The following NDUFAF4 variants were observed in gnomAD, a reference collection of about 807,000 sequenced individuals.
NDUFAF4 encodes NADH dehydrogenase [ubiquinone] 1 alpha subcomplex assembly factor 4.
NDUFAF4 carries 10 observed loss-of-function variants against 15.6 expected under a neutral mutation model. The observed-to-expected ratio is 0.64, with a 90% CI of 0.40 to 1.09. The LOEUF is 1.09. NDUFAF4 is among the 50% of genes least tolerant of loss of function. The probability of loss-of-function intolerance (pLI) is 0.01; values close to 1 mark genes in which losing one functional copy is unlikely to be tolerated. For synonymous variants in NDUFAF4, 77 were observed against 73.3 expected, an observed-to-expected ratio of 1.05 and a Z score of -0.26; for missense variants, 203 against 207.3, an observed-to-expected ratio of 0.98 and a Z score of 0.13.
chr6:96,897,855 A>C lies in NDUFAF4; in HGVS notation c.-54T>G. 2 of 1,612,370 alleles carry C rather than the reference A, an allele frequency of 1.2e-6. No homozygotes were observed. Among genetic ancestry groups the C allele is most frequent in the Non-Finnish European group, 1.7e-6 (2 of 1,179,152 alleles). ...AGGCCGCACGTGGGAACACCGGCGC[A>C]GGACAACTCCGGGACACCCGGAGCA... On this transcript the variant is annotated 5_prime_UTR_variant, in exon 1 of 3. Coordinates refer to ENST00000316149, the MANE Select transcript of NDUFAF4 (RefSeq NM_014165.4).
Position 96,897,836 on chromosome 6 carries a change from C to CA in NDUFAF4, c.-36dup, listed in dbSNP as rs1338863509. On this transcript the variant is annotated 5_prime_UTR_variant, in exon 1 of 3. It removes the in-frame stop codon of an upstream open reading frame in the 5' UTR. Transcript: ENST00000316149. ...ACATTATGCGCTCAGGTTCAGGCCG[C>CA]ACGTGGGAACACCGGCGCAGGACAA... 3.1e-6 allele frequency: 5 copies of CA among 1,613,262 alleles called. No homozygotes were observed. Among genetic ancestry groups the CA allele is most frequent in the Non-Finnish European group, 4.2e-6 (5 of 1,179,646 alleles).
In NDUFAF4 at chr6:96,897,719, G is replaced by C. The variant is rs1775406837; in HGVS notation, c.83C>G (p.Ser28Cys). 2.5e-6 allele frequency: 4 copies of C among 1,614,088 alleles called. No individual in the cohort carries two copies. The highest frequency in any genetic ancestry group is 1.6e-4 in the Middle Eastern group (1 of 6,084). Residue 28 changes from serine (S) to cysteine (C), a missense_variant, in exon 1 of 3, where the codon TCT becomes TGT. Ser to Cys is a moderately radical substitution (Grantham distance 112, BLOSUM62 -1). Coordinates refer to ENST00000316149, the MANE Select transcript of NDUFAF4 (RefSeq NM_014165.4). ...GGTAGAGGGGTGTCTGGGAGCGACA[G>C]AGGGCTTCATCTTGCTGATTTCCCG... ...AEREISKMKP[S>C]VAPRHPSTNS... is the part of the protein sequence containing the mutation.
In NDUFAF4 at chr6:96,896,809, C is replaced by G; in HGVS notation, c.175G>C (p.Glu59Gln). The G allele has an allele frequency of 6.2e-7, 1 of 1,613,936 alleles. No homozygotes were observed. The highest frequency in any genetic ancestry group is 8.5e-7 in the Non-Finnish European group (1 of 1,179,962). ...TCTTTTAGAAACGACAGCAGCTTTT[C>G]ATCTTTACGAGCAATCTCTCCTTTA... ...EVKGEIARKDEKLLSFLKDVY... is the reference protein window; with the variant it reads ...EVKGEIARKDQKLLSFLKDVY... Residue 59 changes from glutamate (E) to glutamine (Q), a missense_variant, in exon 2 of 3, where the codon GAA (glutamate) becomes CAA (glutamine). Glu to Gln is a conservative substitution (Grantham distance 29). Coordinates refer to ENST00000316149, the MANE Select transcript of NDUFAF4 (RefSeq NM_014165.4).
chr6:96,892,716 G>T (rs1247863668), intron 2 of NDUFAF4, among the ~76,000 whole-genome samples: 12 of 151,900 alleles, frequency 7.9e-5, no homozygotes, highest in Non-Finnish European at 1.5e-4. Context: ...TTTTCCATCG[G>T]TTTTTTCAGT....
chr6:96,897,871 A>T lies in NDUFAF4; in HGVS notation c.-70T>A. ...CACCGGCGCAGGACAACTCCGGGAC[A>T]CCCGGAGCATGCGCACAAGTGAGGG... On this transcript the variant is annotated 5_prime_UTR_variant, in exon 1 of 3. Coordinates refer to ENST00000316149, the MANE Select transcript of NDUFAF4 (RefSeq NM_014165.4). 3 of 1,606,482 alleles carry T rather than the reference A, an allele frequency of 1.9e-6. No individual in the cohort carries two copies. Among genetic ancestry groups the T allele is most frequent in the Non-Finnish European group, 8.5e-7 (1 of 1,174,894 alleles).
chr6:96,892,060 G>T (rs1775323217), intron 2 of NDUFAF4, among the ~76,000 whole-genome samples: 1 of 151,908 alleles, frequency 6.6e-6, no homozygotes, highest in South Asian at 2.1e-4. Flanking sequence ...TGTTTTAAAA[G>T]AACAATGAAA....
Position 96,896,703 on chromosome 6 carries a change from A to T in NDUFAF4, c.240+41T>A, listed in dbSNP as rs760830620. ...TTAATCATTTTCCTGAAGCCCCAAA[A>T]TAAGTAAATTGTGTATTCACTTAAT... On this transcript the variant is annotated intron_variant, in intron 2 of 2. Coordinates refer to ENST00000316149, the MANE Select transcript of NDUFAF4 (RefSeq NM_014165.4). 6.1e-6 allele frequency: 9 copies of T among 1,466,176 alleles called. No individual in the cohort carries two copies. In the South Asian group the frequency reaches 1.0e-4, roughly 17 times the overall value. The allele number at this position is 1,466,176 out of a possible 1,614,324, so 90.8% of individuals were successfully genotyped here.
Position 96,896,840 on chromosome 6 carries a change from T to C in NDUFAF4, c.144A>G (p.Pro48=), listed in dbSNP as rs1256769029. 3 of 1,611,848 alleles carry C rather than the reference T, an allele frequency of 1.9e-6. No individual in the cohort carries two copies. The highest frequency in any genetic ancestry group is 2.2e-5 in the South Asian group (2 of 91,044). The change falls in exon 2 of 3, where the codon CCA becomes CCG. Residue 48 remains proline (P), a synonymous_variant. Coordinates refer to ENST00000316149, the MANE Select transcript of NDUFAF4 (RefSeq NM_014165.4). ...SLLREQISLY[P]EVKGEIARKD... Reference sequence around the variant, plus strand: ...TACGAGCAATCTCTCCTTTAACTTCTGGATAGACTAAGGAAAGGAAAAAAG... The same window carrying C: ...TACGAGCAATCTCTCCTTTAACTTCCGGATAGACTAAGGAAAGGAAAAAAG...
chr6:96,895,675 A>T (rs529007908), intron 2 of NDUFAF4, among the ~76,000 whole-genome samples: 1 of 152,324 alleles, frequency 6.6e-6, no homozygotes, highest in Admixed American at 6.5e-5. Context: ...CTCAACACCT[A>T]TTTTAAAATG....
intron 2 of NDUFAF4, among the ~76,000 whole-genome samples, chr6:96,894,073 C>A (rs1775344057): frequency 6.6e-6 from 1 of 152,180 alleles, no homozygotes; most frequent in Non-Finnish European, 1.5e-5. Context: ...ATAGTAGTAC[C>A]TGGCTTTATC....
chr6:96,893,531 A>G (rs535357492), intron 2 of NDUFAF4, among the ~76,000 whole-genome samples: 11 of 152,308 alleles, frequency 7.2e-5, no homozygotes, highest in African/African-American at 2.6e-4. Context: ...TATATTGCAA[A>G]CTAGGCCTGA....
chr6:96,892,482 C>G (rs1050896254), intron 2 of NDUFAF4, among the ~76,000 whole-genome samples: 2 of 152,128 alleles, frequency 1.3e-5, no homozygotes, highest in Non-Finnish European at 2.9e-5. Flanking sequence ...GCCCACCAAA[C>G]CCAAAACCAA....
intron 2 of NDUFAF4, among the ~76,000 whole-genome samples, chr6:96,894,461 G>A (rs1273583799): frequency 2.6e-5 from 4 of 152,078 alleles, no homozygotes; most frequent in African/African-American, 9.7e-5. Context: ...TTGACTTAAT[G>A]AGGAAAAAAA....
In NDUFAF4 at chr6:96,891,144, A is replaced by G; in HGVS notation, c.488T>C (p.Ile163Thr). 6.2e-7 allele frequency: 1 copy of G among 1,613,190 alleles called. No individual in the cohort carries two copies. Among genetic ancestry groups the G allele is most frequent in the South Asian group, 1.1e-5 (1 of 90,974 alleles). Reference sequence around the variant, plus strand: ...TGCTTTCTTGTCTTCAGGAGGGAAGATTTCGACTTCAAAAGTAACAAAATA... The same window carrying G: ...TGCTTTCTTGTCTTCAGGAGGGAAGGTTTCGACTTCAAAAGTAACAAAATA... ...LKYFVTFEVE[I>T]FPPEDKKAIR... Residue 163 changes from isoleucine (I) to threonine (T), a missense_variant, in exon 3 of 3, where the codon ATC becomes ACC. By Grantham distance (89) the Ile-to-Thr change is moderately conservative. Transcript: ENST00000316149.
At chr6:96,896,658 C>G in intron 2 of NDUFAF4, 86 bp downstream of exon 2, 1 of 1,124,354 alleles carries the variant, frequency 8.9e-7, no homozygotes, top group Non-Finnish European at 1.3e-6. Context: ...GCAGAGCACT[C>G]TTTTTACTAC....
intron 2 of NDUFAF4, among the ~76,000 whole-genome samples, chr6:96,893,407 G>C (rs1216051499): frequency 6.6e-6 from 1 of 152,016 alleles, no homozygotes; most frequent in Non-Finnish European, 1.5e-5. Context: ...TTTACGATCT[G>C]ACCCCTATCA....
At chr6:96,896,182 T>C (rs1050277204) in intron 2 of NDUFAF4, 1 of 157,294 alleles carries the variant, frequency 6.4e-6, no homozygotes, top group African/African-American at 2.4e-5. Flanking sequence ...GTTTTGTTCA[T>C]CACTATATAC....
At position 96,891,143 on chromosome 6, in the gene NDUFAF4, G is replaced by C. The variant is rs1415033419; in HGVS notation, c.489C>G (p.Ile163Met). 6.2e-7 allele frequency: 1 copy of C among 1,613,104 alleles called. No individual in the cohort carries two copies. Among genetic ancestry groups the C allele is most frequent in the East Asian group, 2.2e-5 (1 of 44,830 alleles). Residue 163 changes from isoleucine to methionine, a missense_variant, in exon 3 of 3, where the codon ATC becomes ATG. Transcript: ENST00000316149. ...LKYFVTFEVE[I>M]FPPEDKKAIR... ...TTGCTTTCTTGTCTTCAGGAGGGAA[G>C]ATTTCGACTTCAAAAGTAACAAAAT...
chr6:96,897,609 C>CCTG, intron 1 of NDUFAF4, 57 bp downstream of exon 1: 1 of 1,608,760 alleles, frequency 6.2e-7, no homozygotes, highest in South Asian at 1.1e-5. Context: ...CTAGGGACAG[C>CCTG]CGGGCAGCAC....
Sources: gnomAD v4.1 joint callset for allele counts (sites outside exome capture counted in the v4.1 genomes callset) on GRCh38, gnomAD v4.1.1 for gene constraint, MANE v1.5 for transcripts, NCBI Gene and HGNC (gene_info 2026-07-23, HGNC 2026-07-21) for gene names.